The following MLXIPL variants were observed in gnomAD, a reference collection of about 807,000 sequenced individuals.
The protein encoded by MLXIPL is carbohydrate-responsive element-binding protein.
Under a neutral mutation model 81.5 loss-of-function variants are expected in MLXIPL, and 49 were observed. The ratio of observed to expected loss-of-function variants is 0.60; its 90% CI spans 0.48 to 0.76. The LOEUF (loss-of-function observed/expected upper bound fraction) is 0.76, where lower values mean the gene tolerates loss of function less well. MLXIPL is among the 30% of genes least tolerant of loss of function. MLXIPL has a pLI of 0.00. For synonymous variants in MLXIPL, 466 were observed against 485.5 expected (o/e 0.96, Z 0.53); for missense variants, 1,053 against 1,167.0 (o/e 0.90, Z 1.42).
chr7:73,605,216 T>C (rs1474436506), intron 7 of MLXIPL, among the ~76,000 whole-genome samples: 5 of 152,064 alleles, frequency 3.3e-5, no homozygotes, highest in African/African-American at 1.2e-4. Flanking sequence ...CTGCCCCCAT[T>C]GGAGGCCACA....
At chr7:73,600,538 A>G (rs1584090352) in intron 7 of MLXIPL, among the ~76,000 whole-genome samples, 1 of 10,684 alleles carries the variant, frequency 9.4e-5, no homozygotes, top group Non-Finnish European at 1.6e-4. Flanking sequence ...GGGGGGGGTG[A>G]AGGGGGACCT....
intron 1 of MLXIPL, among the ~76,000 whole-genome samples, chr7:73,616,717 G>A (rs752223496): frequency 7.2e-5 from 11 of 152,002 alleles, no homozygotes; most frequent in African/African-American, 1.9e-4. Context: ...CTGTGGTGGC[G>A]CACACCTGTA....
At chr7:73,640,424 A>AAAAAAG in the MLXIPL span, among the ~76,000 whole-genome samples, 1 of 137,848 alleles carries the variant, frequency 7.3e-6, no homozygotes, top group Non-Finnish European at 1.7e-5. Flanking sequence ...AAGAAAAAGA[A>AAAAAAG]AAAAAGAAAT....
At position 73,593,901 on chromosome 7, in the gene MLXIPL, C is replaced by T; in HGVS notation, c.2523G>A (p.Arg841=). The T allele has an allele frequency of 1.2e-6, 2 of 1,614,122 alleles. No homozygotes were observed. Among genetic ancestry groups the T allele is most frequent in the South Asian group, 1.1e-5 (1 of 91,084 alleles). ...TGCCAAGGGTGCCCTCTGTGACTGCCCGTGTGGCTTGCTCAGGGATGCGGC... is the reference window on the plus strand; with the variant it reads ...TGCCAAGGGTGCCCTCTGTGACTGCTCGTGTGGCTTGCTCAGGGATGCGGC... The part of the protein sequence containing the change: ...DPGRIPEQAT[R]AVTEGTLGKP... The change falls in exon 17 of 17, where the codon CGG becomes CGA. Residue 841 remains arginine (R), a synonymous_variant. Transcript: ENST00000313375.
intron 1 of MLXIPL, among the ~76,000 whole-genome samples, chr7:73,617,735 A>G (rs1179481992): frequency 6.6e-6 from 1 of 152,078 alleles, no homozygotes; most frequent in Non-Finnish European, 1.5e-5. Flanking sequence ...AGTCCTAGCT[A>G]CTAGGGAGGC....
intron 1 of MLXIPL, among the ~76,000 whole-genome samples, chr7:73,619,735 C>T (rs1411603016): frequency 6.6e-6 from 1 of 151,428 alleles, no homozygotes; most frequent in Non-Finnish European, 1.5e-5. Context: ...TCGAGACCAT[C>T]CTGGCTAACG....
the MLXIPL span, among the ~76,000 whole-genome samples, chr7:73,640,660 C>A: frequency 6.6e-6 from 1 of 151,522 alleles, no homozygotes; most frequent in South Asian, 2.1e-4. Context: ...ACCTGTAATC[C>A]CAGCTACTCA....
chr7:73,616,444 G>A (rs369306808), intron 1 of MLXIPL, among the ~76,000 whole-genome samples: 12 of 152,190 alleles, frequency 7.9e-5, no homozygotes, highest in African/African-American at 2.9e-4. Flanking sequence ...GCTGAAACCT[G>A]TGGATCAGCT....
chr7:73,598,991 A>G (rs2116231289), intron 8 of MLXIPL, among the ~76,000 whole-genome samples: 1 of 151,222 alleles, frequency 6.6e-6, no homozygotes, highest in East Asian at 2.0e-4. Flanking sequence ...TCGCTTGAAC[A>G]CGGGAGGCGG....
chr7:73,601,856 T>C (rs2116282451), intron 7 of MLXIPL, among the ~76,000 whole-genome samples: 1 of 152,120 alleles, frequency 6.6e-6, no homozygotes, highest in South Asian at 2.1e-4. Context: ...TGGCTTTGCT[T>C]TGCAGGAGGG....
upstream of MLXIPL, among the ~76,000 whole-genome samples, chr7:73,624,779 G>A (rs782515105): frequency 5.3e-5 from 8 of 152,162 alleles, no homozygotes; most frequent in Non-Finnish European, 8.8e-5. Flanking sequence ...AGGTCAGGCC[G>A]GACGCCAGGG....
chr7:73,595,562 C>G, intron 15 of MLXIPL, 75 bp downstream of exon 15: 2 of 1,613,124 alleles, frequency 1.2e-6, no homozygotes, highest in Non-Finnish European at 1.7e-6. Flanking sequence ...AGCTAGGCCT[C>G]CATCCCAGGC....
At chr7:73,638,835 C>T in the MLXIPL span, among the ~76,000 whole-genome samples, 1 of 152,076 alleles carries the variant, frequency 6.6e-6, no homozygotes, top group Non-Finnish European at 1.5e-5. Context: ...GTTGTCCAGG[C>T]TGGTCTTGAA....
At chr7:73,597,773 A>C in intron 8 of MLXIPL, 60 bp from the exon 9 acceptor site, 1 of 1,255,998 alleles carries the variant, frequency 8.0e-7, no homozygotes, top group Non-Finnish European at 1.0e-6. Flanking sequence ...CCTGGCAGCC[A>C]TCTGGGCCTC....
chr7:73,628,115 C>A (rs1346686404), upstream of MLXIPL, among the ~76,000 whole-genome samples: 3 of 152,020 alleles, frequency 2.0e-5, no homozygotes, highest in Non-Finnish European at 4.4e-5. Context: ...AGCCACTGTG[C>A]CTGGCCTGAA....
chr7:73,603,062 G>C (rs1554596835), intron 7 of MLXIPL, among the ~76,000 whole-genome samples: 1 of 152,144 alleles, frequency 6.6e-6, no homozygotes, highest in African/African-American at 2.4e-5. Context: ...CCCTCCCTGA[G>C]CTCCTCTGCC....
chr7:73,640,422 G>A, the MLXIPL span, among the ~76,000 whole-genome samples: 102 of 145,798 alleles, frequency 7.0e-4, no homozygotes, highest in Middle Eastern at 3.5e-3. Context: ...AAAAGAAAAA[G>A]AAAAAAAGAA....
At chr7:73,640,017 G>T in the MLXIPL span, among the ~76,000 whole-genome samples, 1 of 151,296 alleles carries the variant, frequency 6.6e-6, no homozygotes, top group Non-Finnish European at 1.5e-5. Flanking sequence ...AGCCAAGATC[G>T]CACCACTCCA....
chr7:73,640,948 G>A, the MLXIPL span, among the ~76,000 whole-genome samples: 2 of 152,054 alleles, frequency 1.3e-5, no homozygotes, highest in Non-Finnish European at 2.9e-5. Flanking sequence ...TGGGAAGACA[G>A]AGGCACAGCT....
Sources: allele counts gnomAD v4.1 joint callset (sites outside exome capture counted in the v4.1 genomes callset), GRCh38; gene constraint gnomAD v4.1.1; transcripts MANE v1.5; gene names NCBI Gene and HGNC (gene_info 2026-07-23, HGNC 2026-07-21).